BICRAL: variants seen among roughly 807,000 people sequenced by gnomAD.
The protein encoded by BICRAL is BICRA like chromatin remodeling complex associated protein, also known as BRD4-interacting chromatin-remodeling complex-associated protein-like.
BICRAL carries 8 observed loss-of-function variants against 91.8 expected under a neutral mutation model. That is an observed-to-expected ratio of 0.09 (90% CI 0.05 to 0.16). BICRAL has a LOEUF of 0.16. BICRAL is among the 10% of genes least tolerant of loss of function. The probability of loss-of-function intolerance (pLI) is 1.00; values close to 1 mark genes in which losing one functional copy is unlikely to be tolerated. For missense variants in BICRAL, 1,038 were observed against 1,310.9 expected (o/e 0.79, Z 3.21); for synonymous variants, 445 against 491.1 (o/e 0.91, Z 1.24).
intron 1 of BICRAL, among the ~76,000 whole-genome samples, chr6:42,763,030 C>G (rs1762577112): frequency 6.6e-6 from 1 of 152,142 alleles, no homozygotes; most frequent in African/African-American, 2.4e-5. Flanking sequence ...CTAGTAAACT[C>G]CTCGAGGGAG....
intron 10 of BICRAL, 53 bp from the exon 11 acceptor site, chr6:42,860,209 C>T: frequency 1.0e-6 from 1 of 993,246 alleles, no homozygotes; most frequent in Non-Finnish European, 1.6e-6. Context: ...AACAGAAGAC[C>T]TAGTCAGTGA....
chr6:42,819,582 G>A (rs1161939591), intron 2 of BICRAL, among the ~76,000 whole-genome samples: 4 of 152,062 alleles, frequency 2.6e-5, no homozygotes, highest in Non-Finnish European at 5.9e-5. Flanking sequence ...CACCATGCCC[G>A]GCCTATCTTC....
chr6:42,778,127 C>A (rs1281372132), upstream of BICRAL, among the ~76,000 whole-genome samples: 1 of 152,206 alleles, frequency 6.6e-6, no homozygotes, highest in African/African-American at 2.4e-5. Flanking sequence ...AATTCTCCTA[C>A]TGTGTCCCAG....
intron 6 of BICRAL, among the ~76,000 whole-genome samples, chr6:42,833,835 G>C (rs1452560741): frequency 6.6e-6 from 1 of 152,020 alleles, no homozygotes; most frequent in Non-Finnish European, 1.5e-5. Context: ...TTTTTGAAGA[G>C]TGCAAACCAA....
At chr6:42,810,428 C>T (rs929001760) in intron 2 of BICRAL, 27 bp downstream of exon 2, 1 of 152,186 alleles carries the variant, frequency 6.6e-6, no homozygotes, top group Non-Finnish European at 1.5e-5. Flanking sequence ...TGTCTGTCTT[C>T]CAAAAGAAAG....
chr6:42,843,730 C>T (rs939765014), intron 6 of BICRAL, among the ~76,000 whole-genome samples: 1 of 151,614 alleles, frequency 6.6e-6, no homozygotes, highest in Non-Finnish European at 1.5e-5. Flanking sequence ...ATATGATACA[C>T]GGCTATATAT....
In BICRAL at chr6:42,867,009, G is replaced by A. The variant is rs1443016492; in HGVS notation, c.*1563G>A. ...GTGCACACTCACTCTCCTTCTTAGT[G>A]TGCATACTCTCTCATTTATTCTGTT... On this transcript the variant is annotated 3_prime_UTR_variant, in exon 13 of 13. Coordinates refer to ENST00000314073, the MANE Select transcript of BICRAL (RefSeq NM_001393499.1). 2.7e-6 allele frequency: 1 copy of A among 363,732 alleles called. No individual in the cohort carries two copies. The highest frequency in any genetic ancestry group is 3.3e-5 in the Admixed American group (1 of 30,250). 22.5% of individuals were successfully genotyped at this position (363,732 alleles called of 1,614,324 possible). A position where few individuals can be genotyped will look rare whatever the true frequency, so the allele number is the denominator to read the frequency against.
At chr6:42,853,780 A>G (rs758126592) in intron 8 of BICRAL, 42 bp downstream of exon 8, 3 of 1,352,720 alleles carry the variant, frequency 2.2e-6, no homozygotes, top group Non-Finnish European at 3.2e-6. Flanking sequence ...TGTTCGGCAT[A>G]ATTGAATGAA....
chr6:42,860,953 C>T (rs573843334), intron 11 of BICRAL, among the ~76,000 whole-genome samples: 1 of 151,320 alleles, frequency 6.6e-6, no homozygotes. Context: ...ATGGAGAAAC[C>T]CCTTCTCTAC....
chr6:42,841,947 AAG>A (rs1016276192), intron 6 of BICRAL, among the ~76,000 whole-genome samples: 44 of 152,284 alleles, frequency 2.9e-4, no homozygotes, highest in African/African-American at 1.0e-3. Flanking sequence ...GGTAGGCTTT[AAG>A]AGAGACTAGA....
At chr6:42,794,825 G>A (rs1445921708) in intron 1 of BICRAL, among the ~76,000 whole-genome samples, 2 of 150,882 alleles carry the variant, frequency 1.3e-5, no homozygotes, top group African/African-American at 4.9e-5. Flanking sequence ...GCCGGGCGTG[G>A]TGGCGGGCAC....
chr6:42,816,380 A>G (rs1470889974), intron 2 of BICRAL, among the ~76,000 whole-genome samples: 6 of 151,786 alleles, frequency 4.0e-5, no homozygotes, highest in Admixed American at 3.3e-4. Context: ...AGTATTTGGT[A>G]TATTTAGTAT....
rs1763818716 is a variant in BICRAL, at chr6:42,810,417, A to G, written c.-6+16A>G. On this transcript the variant is annotated intron_variant, in intron 2 of 12. Coordinates refer to ENST00000314073, the MANE Select transcript of BICRAL (RefSeq NM_001393499.1). Reference sequence around the variant, plus strand: ...CATTGCAATGGTAATGAATTGTTGCATGTCTGTCTTCCAAAAGAAAGTGAG... The same window carrying G: ...CATTGCAATGGTAATGAATTGTTGCGTGTCTGTCTTCCAAAAGAAAGTGAG... 6.6e-6 allele frequency: 1 copy of G among 152,232 alleles called. No homozygotes were observed. Among genetic ancestry groups the G allele is most frequent in the African/African-American group, 2.4e-5 (1 of 41,456 alleles). The allele number at this position is 152,232 out of a possible 1,614,324, so 9.4% of individuals were successfully genotyped here.
chr6:42,857,614 A>AAAAAAAAAAAAAAATATATAT, intron 10 of BICRAL, among the ~76,000 whole-genome samples: 1 of 96,224 alleles, frequency 1.0e-5, no homozygotes, highest in African/African-American at 6.5e-5. Context: ...AAAAAAAAAA[A>AAAAAAAAAAAAAAATATATAT]ATATATATAT....
chr6:42,795,012 T>G (rs1468660327), intron 1 of BICRAL, among the ~76,000 whole-genome samples: 1 of 151,028 alleles, frequency 6.6e-6, no homozygotes, highest in African/African-American at 2.4e-5. Context: ...TATTTACTGA[T>G]CTCTCCACCA....
chr6:42,799,439 C>T (rs1763504148), intron 1 of BICRAL, among the ~76,000 whole-genome samples: 2 of 151,940 alleles, frequency 1.3e-5, no homozygotes, highest in South Asian at 4.1e-4. Flanking sequence ...GGACTACAGG[C>T]ACGTGCCACC....
chr6:42,824,246 T>A (rs140875560), intron 5 of BICRAL, among the ~76,000 whole-genome samples: 2 of 125,938 alleles, frequency 1.6e-5, no homozygotes, highest in South Asian at 2.9e-4. Context: ...ATAAAAAAAA[T>A]AAAAATAAAT....
At chr6:42,796,077 T>C (rs954328211) in intron 1 of BICRAL, among the ~76,000 whole-genome samples, 1 of 152,200 alleles carries the variant, frequency 6.6e-6, no homozygotes, top group Non-Finnish European at 1.5e-5. Context: ...GCAAATATTA[T>C]TGAGCACATA....
intron 6 of BICRAL, among the ~76,000 whole-genome samples, chr6:42,847,044 A>C (rs1056168021): frequency 6.6e-6 from 1 of 152,204 alleles, no homozygotes; most frequent in African/African-American, 2.4e-5. Context: ...TGAGCAGATC[A>C]CTTCAGACCA....
Sources: allele counts gnomAD v4.1 joint callset (sites outside exome capture counted in the v4.1 genomes callset), GRCh38; gene constraint gnomAD v4.1.1; transcripts MANE v1.5; gene names NCBI Gene and HGNC (gene_info 2026-07-23, HGNC 2026-07-21).